SRBD1: variants seen among roughly 807,000 people sequenced by gnomAD.
SRBD1 encodes S1 RNA-binding domain-containing protein 1.
SRBD1 carries 88 observed loss-of-function variants against 115.3 expected under a neutral mutation model. The ratio of observed to expected loss-of-function variants is 0.76; its 90% CI spans 0.64 to 0.91. SRBD1 has a LOEUF of 0.91. SRBD1 is among the 40% of genes least tolerant of loss of function. The probability of loss-of-function intolerance (pLI) is 0.00; values close to 1 mark genes in which losing one functional copy is unlikely to be tolerated. For missense variants in SRBD1, 1,385 were observed against 1,177.4 expected, an observed-to-expected ratio of 1.18 and a Z score of -2.58; for synonymous variants, 509 against 407.7, an observed-to-expected ratio of 1.25 and a Z score of -2.99.
intron 16 of SRBD1, among the ~76,000 whole-genome samples, chr2:45,473,970 C>T (rs1390357168): frequency 6.6e-6 from 1 of 152,190 alleles, no homozygotes; most frequent in Non-Finnish European, 1.5e-5. Context: ...ATGCTTTCCA[C>T]CTTTTTCAGT....
rs376537915 is a variant in SRBD1, at chr2:45,448,372, T to G, written c.2050-28478A>C. Among the ~76,000 whole-genome samples the G allele has an allele frequency of 7.7e-4, 118 of 152,310 alleles. 1 individual carries two copies. The South Asian group carries it at 0.024, about 31-fold the overall frequency. ...AAAAAGGCTCAACAAAAAAACATTA[T>G]GATCACCATGACCATTACCATATGC... On this transcript the variant is annotated intron_variant, in intron 16 of 20. Transcript: ENST00000263736.
intron 15 of SRBD1, among the ~76,000 whole-genome samples, chr2:45,480,524 G>A (rs1054794122): frequency 5.3e-5 from 8 of 152,166 alleles, no homozygotes; most frequent in Non-Finnish European, 1.5e-5. Context: ...AGAATTAGAA[G>A]TGGAGCCTGA....
chr2:45,480,226 A>T (rs1013169708), intron 15 of SRBD1, among the ~76,000 whole-genome samples: 56 of 152,190 alleles, frequency 3.7e-4, no homozygotes, highest in Non-Finnish European at 1.5e-5. Context: ...TCAAGGAGTA[A>T]TTTTGACTTT....
intron 16 of SRBD1, among the ~76,000 whole-genome samples, chr2:45,463,027 GGGGGA>G (rs72139050): frequency 0.19 from 27,208 of 143,696 alleles, 3,290 homozygotes; most frequent in African/African-American, 0.33. Flanking sequence ...CGGGGGGGGG[GGGGGA>G]AATCTCTCTT....
At chr2:45,394,928 T>C (rs867438687) in intron 19 of SRBD1, among the ~76,000 whole-genome samples, 57 of 152,340 alleles carry the variant, frequency 3.7e-4, no homozygotes, top group African/African-American at 1.3e-3. Context: ...TAAGTCTGTA[T>C]GTCTGTGGCT....
At chr2:45,499,929 G>A (rs1444731097) in intron 14 of SRBD1, among the ~76,000 whole-genome samples, 1 of 152,170 alleles carries the variant, frequency 6.6e-6, no homozygotes, top group Non-Finnish European at 1.5e-5. Context: ...CAGGTAGTGT[G>A]ATGCCTTCAG....
intron 16 of SRBD1, among the ~76,000 whole-genome samples, chr2:45,436,328 T>C (rs1184756142): frequency 6.6e-6 from 1 of 152,174 alleles, no homozygotes; most frequent in African/African-American, 2.4e-5. Context: ...GAAACCAGAA[T>C]ATTTCCCACT....
intron 16 of SRBD1, among the ~76,000 whole-genome samples, chr2:45,436,761 G>C (rs574028594): frequency 7.7e-4 from 117 of 152,152 alleles, no homozygotes; most frequent in Non-Finnish European, 1.4e-3. Context: ...AAGACCTGAT[G>C]ATTACAATTC....
At chr2:45,605,284 T>C in intron 2 of SRBD1, 78 bp downstream of exon 2, 1 of 1,402,796 alleles carries the variant, frequency 7.1e-7, no homozygotes, top group Non-Finnish European at 9.8e-7. Context: ...CTTAAGGAGT[T>C]AGAAAGTGAC....
chr2:45,488,535 C>A (rs1481997744), intron 14 of SRBD1, among the ~76,000 whole-genome samples: 2 of 151,908 alleles, frequency 1.3e-5, no homozygotes, highest in Non-Finnish European at 1.5e-5. Flanking sequence ...ATATGAAATA[C>A]ACAGACTTAA....
intron 16 of SRBD1, among the ~76,000 whole-genome samples, chr2:45,453,514 AG>A (rs34987130): frequency 6.6e-6 from 1 of 151,918 alleles, no homozygotes; most frequent in Non-Finnish European, 1.5e-5. Context: ...TAATCACTCC[AG>A]GGAAGAAATC....
intron 4 of SRBD1, among the ~76,000 whole-genome samples, chr2:45,586,992 T>C (rs1673552256): frequency 1.5e-5 from 1 of 64,696 alleles, no homozygotes; most frequent in Non-Finnish European, 3.1e-5. Flanking sequence ...AAAATTATTT[T>C]AAATATTTAA....
intron 7 of SRBD1, among the ~76,000 whole-genome samples, chr2:45,576,047 T>G (rs1176753984): frequency 6.6e-6 from 1 of 152,070 alleles, no homozygotes; most frequent in Non-Finnish European, 1.5e-5. Context: ...GGAACAAGGG[T>G]GCCTGCCTCT....
chr2:45,565,448 C>A (rs1003366030), intron 9 of SRBD1, among the ~76,000 whole-genome samples: 12 of 152,230 alleles, frequency 7.9e-5, no homozygotes, highest in Middle Eastern at 3.4e-3. Context: ...AGTGGACGGA[C>A]CCCTACTTCA....
rs1352942651 is a variant in SRBD1 at position 45,596,082 on chromosome 2, G to A, written c.648+3367C>T. ...AAAATATTTTCTAAGAGGGCAAAAG[G>A]CCATAAAATAGTTCTTGTGCCTTTA... On this transcript the variant is annotated intron_variant, in intron 4 of 20. Coordinates refer to ENST00000263736, the MANE Select transcript of SRBD1 (RefSeq NM_018079.5). Among the ~76,000 whole-genome samples the A allele has an allele frequency of 4.6e-5, 7 of 152,182 alleles. 1 individual carries two copies. In the South Asian group the frequency reaches 1.0e-3, roughly 23 times the overall value.
At chr2:45,452,799 C>T (rs1669034142) in intron 16 of SRBD1, among the ~76,000 whole-genome samples, 2 of 151,594 alleles carry the variant, frequency 1.3e-5, no homozygotes, top group Non-Finnish European at 1.5e-5. Flanking sequence ...GGTGGGGGGG[C>T]GTAAGTTGGT....
At chr2:45,610,351 T>C (rs888040680) in intron 1 of SRBD1, among the ~76,000 whole-genome samples, 1 of 152,212 alleles carries the variant, frequency 6.6e-6, no homozygotes, top group South Asian at 2.1e-4. Context: ...CAAGTTTCCA[T>C]GAAGGACCAA....
chr2:45,523,302 A>AC (rs1671344493), intron 14 of SRBD1, among the ~76,000 whole-genome samples: 1 of 150,800 alleles, frequency 6.6e-6, no homozygotes, highest in South Asian at 2.1e-4. Context: ...AGCAAACTAA[A>AC]CCTAAAGTAG....
chr2:45,574,527 G>T, intron 8 of SRBD1, 100 bp downstream of exon 8: 1 of 1,149,624 alleles, frequency 8.7e-7, no homozygotes, highest in Non-Finnish European at 1.2e-6. Flanking sequence ...AAAAAAGTCT[G>T]AAAACAAAGT....
Sources: gnomAD v4.1 joint callset for allele counts (sites outside exome capture counted in the v4.1 genomes callset) on GRCh38, gnomAD v4.1.1 for gene constraint, MANE v1.5 for transcripts, NCBI Gene and HGNC (gene_info 2026-07-23, HGNC 2026-07-21) for gene names.